The following NAV1 variants were observed in gnomAD, a reference collection of about 807,000 sequenced individuals.
The protein encoded by NAV1 is neuron navigator 1, also known as pore membrane and/or filament interacting like protein 3.
In NAV1, 18 loss-of-function variants were observed where a neutral mutation model predicts 175.2. The observed-to-expected ratio is 0.10, with a 90% CI of 0.07 to 0.15. NAV1 has a LOEUF of 0.15. NAV1 is among the 10% of genes least tolerant of loss of function. The pLI is 1.00. For missense variants in NAV1, 1,731 were observed against 2,436.6 expected (o/e 0.71, Z 6.10); for synonymous variants, 897 against 978.7 (o/e 0.92, Z 1.56).
intron 3 of NAV1, among the ~76,000 whole-genome samples, chr1:201,778,130 C>T (rs1676079332): frequency 6.6e-6 from 1 of 152,114 alleles, no homozygotes; most frequent in South Asian, 2.1e-4. Flanking sequence ...CTTATACTTC[C>T]TCACTGCAGG....
intron 3 of NAV1, among the ~76,000 whole-genome samples, chr1:201,730,372 C>G (rs534909622): frequency 1.3e-5 from 2 of 152,334 alleles, no homozygotes; most frequent in South Asian, 4.1e-4. Context: ...GAACCCAGGC[C>G]TCTGCCTCTG....
chr1:201,786,209 GA>G (rs1453020297), intron 8 of NAV1, among the ~76,000 whole-genome samples: 1 of 152,130 alleles, frequency 6.6e-6, no homozygotes, highest in African/African-American at 2.4e-5. Context: ...ACCCTTACGG[GA>G]ATACCTGCTA....
chr1:201,699,122 T>G (rs2102436225), intron 1 of NAV1, among the ~76,000 whole-genome samples: 1 of 152,352 alleles, frequency 6.6e-6, no homozygotes. Context: ...ATAAAGGGTA[T>G]TCAATTAGGA....
chr1:201,740,092 C>G lies in NAV1; in HGVS notation c.1226+21337C>G. 1.4e-6 allele frequency: 2 copies of G among 1,439,404 alleles called. No homozygotes were observed. The highest frequency in any genetic ancestry group is 1.8e-6 in the Non-Finnish European group (2 of 1,095,836). The allele number at this position is 1,439,404 out of a possible 1,614,324, so 89.2% of individuals were successfully genotyped here. A position where few individuals can be genotyped will look rare whatever the true frequency, so the allele number is the denominator to read the frequency against. ...TCCCCCGCAGGTAAGCGCCCCCACC[C>G]CCCTGGCCTCACCGCCAGACCGCAG... On this transcript the variant is annotated intron_variant, in intron 3 of 29. Transcript: ENST00000367296. The surrounding 1 kb of genome is among the most constrained non-coding windows in gnomAD (Gnocchi z 4.7).
Position 201,806,105 on chromosome 1 carries a change from C to T in NAV1, c.3648+1608C>T, listed in dbSNP as rs185837716. Among the ~76,000 whole-genome samples the T allele has an allele frequency of 2.4e-3, 372 of 151,964 alleles. 1 individual carries two copies. Among genetic ancestry groups the T allele is most frequent in the African/African-American group, 8.8e-3 (364 of 41,434 alleles). ...GTTCAAGCAATTCTCCTGCCTCAGC[C>T]TCCTGAGTAGCTGGGATTACAGGCA... On this transcript the variant is annotated intron_variant, in intron 17 of 29. Transcript: ENST00000367296.
At chr1:201,565,140 A>G (rs1360077600) in intron 1 of NAV1, among the ~76,000 whole-genome samples, 6 of 152,246 alleles carry the variant, frequency 3.9e-5, no homozygotes, top group Admixed American at 1.3e-4. Context: ...CACAGAGAAC[A>G]CTAATGGTTC....
At chr1:201,791,920 A>C (rs1245020866) in intron 13 of NAV1, 1 of 152,090 alleles carries the variant, frequency 6.6e-6, no homozygotes, top group Non-Finnish European at 1.5e-5. Context: ...CACCAAAGCA[A>C]ATGGCCTGGG....
intron 1 of NAV1, among the ~76,000 whole-genome samples, chr1:201,557,511 G>C (rs1394531771): frequency 6.6e-6 from 1 of 152,168 alleles, no homozygotes; most frequent in African/African-American, 2.4e-5. Flanking sequence ...CCCTGGGCTA[G>C]TCTTAGAGAG....
chr1:201,714,313 C>T (rs1672043303), intron 2 of NAV1, among the ~76,000 whole-genome samples: 1 of 152,246 alleles, frequency 6.6e-6, no homozygotes. Flanking sequence ...GGCTGTAGTT[C>T]TTCCTGCTTA....
intron 7 of NAV1, among the ~76,000 whole-genome samples, chr1:201,784,456 C>T (rs1198510026): frequency 2.6e-5 from 4 of 152,190 alleles, no homozygotes; most frequent in African/African-American, 9.7e-5. Flanking sequence ...CCACACCTGG[C>T]TGCCCAGAAT....
chr1:201,548,814 A>T (rs565062808), intron 1 of NAV1, among the ~76,000 whole-genome samples: 1 of 152,356 alleles, frequency 6.6e-6, no homozygotes, highest in Non-Finnish European at 1.5e-5. Flanking sequence ...AGTGCTCTAA[A>T]CTTGTCTAAC....
intron 3 of NAV1, among the ~76,000 whole-genome samples, chr1:201,754,959 T>C (rs1674362296): frequency 6.6e-6 from 1 of 152,228 alleles, no homozygotes; most frequent in African/African-American, 2.4e-5. Context: ...ATATCAGGTA[T>C]AATGTTTAAA....
intron 1 of NAV1, among the ~76,000 whole-genome samples, chr1:201,574,995 G>A (rs568276427): frequency 1.5e-3 from 227 of 152,298 alleles, no homozygotes; most frequent in Non-Finnish European, 2.6e-3. Context: ...AAGTGCCCAG[G>A]CCATTGTCTA....
exon 25 of NAV1, chr1:201,811,695 G>C: frequency 6.2e-7 from 1 of 1,613,350 alleles, no homozygotes; most frequent in Non-Finnish European, 8.5e-7. Flanking sequence ...TGGATGACCT[G>C]AGTGAAGCAG....
chr1:201,763,834 T>C (rs376513774), intron 3 of NAV1, among the ~76,000 whole-genome samples: 1 of 152,206 alleles, frequency 6.6e-6, no homozygotes, highest in Non-Finnish European at 1.5e-5. Context: ...TCTAATCCAA[T>C]TGCATCCATT....
chr1:201,689,115 CGAATTCTAAA>C (rs1330782431), intron 1 of NAV1, among the ~76,000 whole-genome samples: 2 of 152,190 alleles, frequency 1.3e-5, no homozygotes, highest in Non-Finnish European at 2.9e-5. Context: ...GCATTCTCAA[CGAATTCTAAA>C]GAAGTCCTCC....
chr1:201,586,898 G>A (rs953208027), intron 1 of NAV1, among the ~76,000 whole-genome samples: 13 of 152,118 alleles, frequency 8.5e-5, no homozygotes, highest in Admixed American at 2.0e-4. Flanking sequence ...TCTGAACTGT[G>A]CATCTAAAAC....
intron 2 of NAV1, among the ~76,000 whole-genome samples, chr1:201,589,579 C>A (rs1437784362): frequency 6.6e-6 from 1 of 152,096 alleles, no homozygotes; most frequent in Non-Finnish European, 1.5e-5. Context: ...GCAGCCTCTG[C>A]CTCCTGAACT....
At chr1:201,579,180 C>A (rs1490804876) in intron 1 of NAV1, among the ~76,000 whole-genome samples, 1 of 152,042 alleles carries the variant, frequency 6.6e-6, no homozygotes, top group Non-Finnish European at 1.5e-5. Context: ...CTTTCCTGGC[C>A]TTTGGCTGGA....
Sources: allele counts gnomAD v4.1 joint callset (sites outside exome capture counted in the v4.1 genomes callset), GRCh38; gene constraint gnomAD v4.1.1; non-coding constraint Gnocchi (gnomAD v3.1); transcripts MANE v1.5; gene names NCBI Gene and HGNC (gene_info 2026-07-23, HGNC 2026-07-21).